The following GALNTL5 variants were observed in gnomAD, a reference collection of about 807,000 sequenced individuals.
GALNTL5 encodes the protein polypeptide N-acetylgalactosaminyltransferase like 5, also known as inactive polypeptide N-acetylgalactosaminyltransferase-like protein 5.
GALNTL5 carries 44 observed loss-of-function variants against 51.0 expected under a neutral mutation model. The ratio of observed to expected loss-of-function variants is 0.86; its 90% CI spans 0.68 to 1.11. The LOEUF is 1.11. GALNTL5 is among the 50% of genes least tolerant of loss of function. The probability of loss-of-function intolerance (pLI) is 0.00; values close to 1 mark genes in which losing one functional copy is unlikely to be tolerated. For synonymous variants in GALNTL5, 192 were observed against 182.8 expected, an observed-to-expected ratio of 1.05 and a Z score of -0.41; for missense variants, 528 against 531.8, an observed-to-expected ratio of 0.99 and a Z score of 0.07.
intron 6 of GALNTL5, among the ~76,000 whole-genome samples, chr7:152,004,129 A>G (rs1160355924): frequency 6.8e-6 from 1 of 147,506 alleles, no homozygotes; most frequent in Non-Finnish European, 1.5e-5. Context: ...TGAAAACAAC[A>G]TATTCAATAC....
intron 3 of GALNTL5, among the ~76,000 whole-genome samples, chr7:151,974,121 G>T (rs886795354): frequency 1.5e-5 from 1 of 65,318 alleles, no homozygotes; most frequent in Admixed American, 1.7e-4. Flanking sequence ...CCAGTCTCAG[G>T]TGGTATCCTT....
At chr7:151,977,843 T>G (rs1210486259) in intron 3 of GALNTL5, among the ~76,000 whole-genome samples, 1 of 152,178 alleles carries the variant, frequency 6.6e-6, no homozygotes, top group Non-Finnish European at 1.5e-5. Flanking sequence ...TTCTCAAATT[T>G]ATTGGCAAAA....
chr7:151,996,215 A>T (rs986889099), intron 5 of GALNTL5, among the ~76,000 whole-genome samples: 3 of 151,970 alleles, frequency 2.0e-5, no homozygotes, highest in African/African-American at 7.2e-5. Context: ...ATTTTATTTT[A>T]TTATTATTAT....
At position 152,002,769 on chromosome 7, in the gene GALNTL5, G is replaced by GC. The variant is rs2081597546; in HGVS notation, c.718dup (p.Leu240ProfsTer21). On this transcript the variant is annotated frameshift_variant, in exon 6 of 9. Transcript: ENST00000392800. LOFTEE classifies it high-confidence loss of function. ...GTGAGGTGAACAGAGTATGGCTGGA[G>GC]CCCCTGCTGCATGCCATTGCCAAGG... 1.2e-6 allele frequency: 2 copies of GC among 1,614,110 alleles called. No homozygotes were observed. Among genetic ancestry groups the GC allele is most frequent in the Non-Finnish European group, 1.7e-6 (2 of 1,179,954 alleles).
intron 8 of GALNTL5, among the ~76,000 whole-genome samples, chr7:152,016,010 G>T (rs1415175936): frequency 6.6e-6 from 1 of 152,166 alleles, no homozygotes; most frequent in Admixed American, 6.5e-5. Flanking sequence ...CTTTAATTAT[G>T]AAGGTAATAA....
intron 8 of GALNTL5, 35 bp from the exon 9 acceptor site, chr7:152,019,611 T>C (rs769471188): frequency 1.6e-5 from 26 of 1,584,536 alleles, no homozygotes; most frequent in East Asian, 2.2e-5. Flanking sequence ...ATTTGTTTGG[T>C]TGAACGTAAC....
intron 3 of GALNTL5, among the ~76,000 whole-genome samples, chr7:151,981,834 GAC>G (rs2081295900): frequency 6.6e-6 from 1 of 151,186 alleles, no homozygotes; most frequent in East Asian, 2.0e-4. Flanking sequence ...TTTTAGTAAA[GAC>G]AGAATTTTGC....
At chr7:151,971,184 A>T in intron 3 of GALNTL5, 119 bp downstream of exon 3, 2 of 775,608 alleles carry the variant, frequency 2.6e-6, no homozygotes, top group Non-Finnish European at 4.0e-6. Flanking sequence ...CATACTAGAA[A>T]TGTTATAGAT....
In GALNTL5 at chr7:152,014,549, T is replaced by C. The variant is rs149409774; in HGVS notation, c.1027-95T>C. The C allele has an allele frequency of 3.6e-3, 4,448 of 1,251,704 alleles. 112 individuals carry two copies. In the African/African-American group the frequency reaches 0.06, roughly 17 times the overall value. 77.5% of individuals were successfully genotyped at this position (1,251,704 alleles called of 1,614,324 possible). Reference sequence around the variant, plus strand: ...TCCCAAAATGCTGGGATTACAGGCATGAGCCACCGCACCTGGCCATTATAT... The same window carrying C: ...TCCCAAAATGCTGGGATTACAGGCACGAGCCACCGCACCTGGCCATTATAT... On this transcript the variant is annotated intron_variant, in intron 7 of 8. Transcript: ENST00000392800.
At chr7:151,987,363 CCTT>C in intron 5 of GALNTL5, 82 bp downstream of exon 5, 1 of 1,212,584 alleles carries the variant, frequency 8.2e-7, no homozygotes. Context: ...TGCAGGGAGA[CCTT>C]CTATGTCTGT....
chr7:152,009,879 G>A (rs778148492), intron 7 of GALNTL5, among the ~76,000 whole-genome samples: 10 of 152,158 alleles, frequency 6.6e-5, no homozygotes, highest in Non-Finnish European at 1.3e-4. Flanking sequence ...CCTGTATCAC[G>A]ATAATATCCA....
intron 5 of GALNTL5, among the ~76,000 whole-genome samples, chr7:151,996,417 G>A (rs11766982): frequency 0.4 from 60,704 of 150,394 alleles, 12,617 homozygotes; most frequent in East Asian, 0.65. Flanking sequence ...CCACATTCTT[G>A]AACATCAATA....
At chr7:151,966,231 T>G (rs947032153) in intron 1 of GALNTL5, among the ~76,000 whole-genome samples, 1 of 152,028 alleles carries the variant, frequency 6.6e-6, no homozygotes, top group Non-Finnish European at 1.5e-5. Context: ...TGAGGGAAAC[T>G]TCAGTTGCAT....
At position 151,957,851 on chromosome 7, in the gene GALNTL5, A is replaced by G. The variant is rs369553391; in HGVS notation, c.-40+1242A>G. 4.6e-5 allele frequency: 7 copies of G among 152,296 alleles called. 1 individual carries two copies. Among genetic ancestry groups the G allele is most frequent in the African/African-American group, 1.7e-4 (7 of 41,568 alleles). 9.4% of individuals were successfully genotyped at this position (152,296 alleles called of 1,614,324 possible). A position where few individuals can be genotyped will look rare whatever the true frequency, so the allele number is the denominator to read the frequency against. ...GTTTTCTTCTGAAGACACAAAGTCC[A>G]AAGGCCAATCACACACCTCTTACAT... On this transcript the variant is annotated intron_variant, in intron 1 of 8. Coordinates refer to ENST00000392800, the MANE Select transcript of GALNTL5 (RefSeq NM_145292.4).
chr7:151,966,428 C>G (rs140990743), intron 1 of GALNTL5, among the ~76,000 whole-genome samples: 6 of 151,888 alleles, frequency 4.0e-5, no homozygotes, highest in Admixed American at 3.9e-4. Flanking sequence ...CCACAATGCC[C>G]GGCTAATTTT....
intron 5 of GALNTL5, among the ~76,000 whole-genome samples, chr7:152,001,868 A>G (rs2081585129): frequency 1.3e-5 from 2 of 152,102 alleles, no homozygotes; most frequent in South Asian, 2.1e-4. Context: ...ATACCTTTCT[A>G]ATGATTTTAC....
intron 2 of GALNTL5, among the ~76,000 whole-genome samples, chr7:151,969,000 A>T (rs994133730): frequency 6.6e-6 from 1 of 152,068 alleles, no homozygotes; most frequent in African/African-American, 2.4e-5. Flanking sequence ...AGACTTCTTT[A>T]TATATCCTAA....
intron 2 of GALNTL5, among the ~76,000 whole-genome samples, chr7:151,968,132 C>T (rs374163554): frequency 1.3e-5 from 2 of 151,834 alleles, no homozygotes; most frequent in South Asian, 2.1e-4. Flanking sequence ...ACCACCTCAA[C>T]AAAAATAGTA....
chr7:152,013,274 T>C (rs1004144646), intron 7 of GALNTL5, among the ~76,000 whole-genome samples: 1 of 151,910 alleles, frequency 6.6e-6, no homozygotes, highest in Non-Finnish European at 1.5e-5. Context: ...AAATGACCTG[T>C]GCTCAAAACC....
Sources: allele counts gnomAD v4.1 joint callset (sites outside exome capture counted in the v4.1 genomes callset), GRCh38; gene constraint gnomAD v4.1.1; transcripts MANE v1.5; gene names NCBI Gene and HGNC (gene_info 2026-07-23, HGNC 2026-07-21).